Variants in RAB10 observed in about 807,000 individuals in gnomAD.
The protein encoded by RAB10 is ras-related protein Rab-10.
RAB10 carries 5 observed loss-of-function variants against 25.7 expected under a neutral mutation model. That is an observed-to-expected ratio of 0.19 (90% CI 0.10 to 0.41). The LOEUF (loss-of-function observed/expected upper bound fraction) is 0.41. Ranked by LOEUF, RAB10 falls within the 10% of genes least tolerant of loss-of-function variation. The pLI, the probability that RAB10 is intolerant of heterozygous loss-of-function variation, is 1.00. For missense variants in RAB10, 103 were observed against 245.8 expected (o/e 0.42, Z 3.89); for synonymous variants, 89 against 86.4 (o/e 1.03, Z -0.16).
intron 1 of RAB10, among the ~76,000 whole-genome samples, chr2:26,094,649 C>T (rs1349945252): frequency 6.6e-6 from 1 of 152,142 alleles, no homozygotes; most frequent in Non-Finnish European, 1.5e-5. Context: ...GCCTGCGCCT[C>T]CCGGGTTCAA....
At chr2:26,062,613 G>T (rs970710006) in intron 1 of RAB10, among the ~76,000 whole-genome samples, 2 of 152,008 alleles carry the variant, frequency 1.3e-5, no homozygotes, top group African/African-American at 4.8e-5. Flanking sequence ...CGGAGGTGGG[G>T]GTTGCAGTGA....
intron 1 of RAB10, among the ~76,000 whole-genome samples, chr2:26,036,205 A>G (rs1035456680): frequency 6.6e-5 from 10 of 152,194 alleles, no homozygotes; most frequent in Non-Finnish European, 1.0e-4. Flanking sequence ...CACTGTTTTT[A>G]GGCACTGGGA....
chr2:26,054,684 C>T (rs1666212634), intron 1 of RAB10, among the ~76,000 whole-genome samples: 1 of 152,100 alleles, frequency 6.6e-6, no homozygotes, highest in Admixed American at 6.6e-5. Flanking sequence ...AATTTCTAAC[C>T]TGCAGGAAAG....
intron 1 of RAB10, among the ~76,000 whole-genome samples, chr2:26,055,391 A>AT (rs536425050): frequency 0.024 from 3,292 of 138,738 alleles, 47 homozygotes; most frequent in South Asian, 0.058. Flanking sequence ...CACTTGGCTA[A>AT]TTTTTTTTTT....
At chr2:26,121,703 T>G (rs368913988) in intron 3 of RAB10, among the ~76,000 whole-genome samples, 38 of 152,298 alleles carry the variant, frequency 2.5e-4, no homozygotes, top group African/African-American at 8.7e-4. Flanking sequence ...AAGTTTAAAT[T>G]TATTAACACT....
chr2:26,071,444 T>C (rs564683313), intron 1 of RAB10, among the ~76,000 whole-genome samples: 3 of 152,170 alleles, frequency 2.0e-5, no homozygotes, highest in Non-Finnish European at 4.4e-5. Flanking sequence ...TCCCAACACT[T>C]TGGGAGGCCA....
chr2:26,090,638 T>C (rs1349526802), intron 1 of RAB10, among the ~76,000 whole-genome samples: 1 of 152,040 alleles, frequency 6.6e-6, no homozygotes, highest in African/African-American at 2.4e-5. Context: ...TTTCCCTTAA[T>C]TGTTTTGATA....
rs538809256 is a variant in RAB10, at chr2:26,094,052, T to C, written c.128-4610T>C. On this transcript the variant is annotated intron_variant, in intron 1 of 5. Transcript: ENST00000264710. The stretch of plus-strand genomic sequence containing the variant: ...CTGGGACTACAGGTGTGCACCACCA[T>C]GCCTGGCTAATTTTTTTGTAGAGAT... Among the ~76,000 whole-genome samples the C allele has an allele frequency of 4.7e-5, 7 of 149,886 alleles. No homozygotes were observed. The East Asian group carries it at 1.0e-3, about 22-fold the overall frequency.
intron 1 of RAB10, among the ~76,000 whole-genome samples, chr2:26,065,380 T>C (rs1428986111): frequency 6.6e-6 from 1 of 152,186 alleles, no homozygotes; most frequent in Non-Finnish European, 1.5e-5. Context: ...TACAGCCCTC[T>C]AAGTTGTATT....
intron 1 of RAB10, among the ~76,000 whole-genome samples, chr2:26,056,718 CT>C (rs778558093): frequency 1.3e-5 from 2 of 152,130 alleles, no homozygotes; most frequent in Non-Finnish European, 2.9e-5. Flanking sequence ...ACCTTGAACT[CT>C]CGGGCTCAAG....
upstream of RAB10, among the ~76,000 whole-genome samples, chr2:26,033,767 G>C (rs991491050): frequency 2.6e-5 from 4 of 152,088 alleles, no homozygotes; most frequent in Non-Finnish European, 5.9e-5. Flanking sequence ...AGGGTGTCCC[G>C]GGGAGCGGGG....
intron 1 of RAB10, among the ~76,000 whole-genome samples, chr2:26,046,194 G>A (rs751279470): frequency 6.6e-5 from 10 of 152,134 alleles, no homozygotes; most frequent in East Asian, 1.9e-4. Flanking sequence ...GCATGGTGGC[G>A]CATGCCTGTA....
chr2:26,074,696 GGCGTGA>G (rs1452174982), intron 1 of RAB10, among the ~76,000 whole-genome samples: 1 of 152,250 alleles, frequency 6.6e-6, no homozygotes, highest in Non-Finnish European at 1.5e-5. Flanking sequence ...TGGGATTACA[GGCGTGA>G]GCCACTGCAC....
chr2:26,038,869 G>C (rs1398952958), intron 1 of RAB10, among the ~76,000 whole-genome samples: 1 of 148,420 alleles, frequency 6.7e-6, no homozygotes, highest in African/African-American at 2.5e-5. Flanking sequence ...AGCTTGCAGT[G>C]AGCCGAGGTC....
intron 1 of RAB10, among the ~76,000 whole-genome samples, chr2:26,085,906 G>A (rs1666970568): frequency 6.8e-6 from 1 of 146,834 alleles, no homozygotes; most frequent in Non-Finnish European, 1.5e-5. Flanking sequence ...GGCTGAGATA[G>A]GAGAATCACT....
intron 1 of RAB10, among the ~76,000 whole-genome samples, chr2:26,095,158 C>G (rs778512031): frequency 1.3e-5 from 2 of 152,136 alleles, no homozygotes; most frequent in African/African-American, 4.8e-5. Flanking sequence ...TATGATCGCC[C>G]TTTGCCAGTG....
chr2:26,113,697 A>G (rs1173349300), intron 3 of RAB10, among the ~76,000 whole-genome samples: 1 of 150,414 alleles, frequency 6.6e-6, no homozygotes, highest in Non-Finnish European at 1.5e-5. Flanking sequence ...AAGAATATCT[A>G]CTCTGGCCAC....
intron 1 of RAB10, among the ~76,000 whole-genome samples, chr2:26,084,647 A>C (rs1666939443): frequency 6.6e-6 from 1 of 152,194 alleles, no homozygotes. Context: ...CAGCCTTGCC[A>C]TTGGTACAGT....
chr2:26,065,979 T>A (rs1332602183), intron 1 of RAB10, among the ~76,000 whole-genome samples: 2 of 152,252 alleles, frequency 1.3e-5, no homozygotes, highest in Non-Finnish European at 2.9e-5. Flanking sequence ...ATATTTGTAT[T>A]CTCATCATCA....
Sources: allele counts gnomAD v4.1 joint callset (sites outside exome capture counted in the v4.1 genomes callset), GRCh38; gene constraint gnomAD v4.1.1; transcripts MANE v1.5; gene names NCBI Gene and HGNC (gene_info 2026-07-23, HGNC 2026-07-21).